TRIO: variants seen among roughly 807,000 people sequenced by gnomAD.
The protein encoded by TRIO is trio Rho guanine nucleotide exchange factor, also known as triple functional domain protein.
Under a neutral mutation model 351.9 loss-of-function variants are expected in TRIO, and 58 were observed. The observed-to-expected ratio is 0.16, with a 90% CI of 0.13 to 0.21. The LOEUF (loss-of-function observed/expected upper bound fraction) is 0.21, where lower values mean the gene tolerates loss of function less well. TRIO is among the 10% of genes least tolerant of loss of function. The pLI is 1.00. For missense variants in TRIO, 3,201 were observed against 4,027.8 expected, an observed-to-expected ratio of 0.79 and a Z score of 5.56; for synonymous variants, 1,758 against 1,595.7, an observed-to-expected ratio of 1.10 and a Z score of -2.42.
chr5:14,408,874 A>T (rs990157945), intron 33 of TRIO, among the ~76,000 whole-genome samples: 18 of 149,504 alleles, frequency 1.2e-4, no homozygotes, highest in African/African-American at 3.4e-4. Context: ...TCTTTTTTTA[A>T]AAAAAAAAAA....
chr5:14,420,753 A>G (rs1014313444), intron 34 of TRIO: 3 of 152,508 alleles, frequency 2.0e-5, no homozygotes, highest in Admixed American at 6.5e-5. Flanking sequence ...TTGCATCAAT[A>G]TAAGTCCTTG....
At chr5:14,340,213 G>A (rs576748435) in intron 11 of TRIO, among the ~76,000 whole-genome samples, 2 of 152,090 alleles carry the variant, frequency 1.3e-5, no homozygotes, top group African/African-American at 2.4e-5. Flanking sequence ...GCTAACACAC[G>A]GTGAAACCCC....
In TRIO at chr5:14,471,301, A is replaced by G; in HGVS notation, c.5764-17A>G. 1 of 1,612,764 alleles carries G rather than the reference A, an allele frequency of 6.2e-7. No individual in the cohort carries two copies. Among genetic ancestry groups the G allele is most frequent in the Non-Finnish European group, 8.5e-7 (1 of 1,179,214 alleles). ...CTGTGGGCAGTAAGTGTTGTTGATTATGTCAATTTCTTCCAGGCACTGGAG... is the reference window on the plus strand; with the variant it reads ...CTGTGGGCAGTAAGTGTTGTTGATTGTGTCAATTTCTTCCAGGCACTGGAG... On this transcript the variant is annotated splice_polypyrimidine_tract_variant and intron_variant, in intron 37 of 56. Transcript: ENST00000344204.
intron 8 of TRIO, among the ~76,000 whole-genome samples, chr5:14,315,360 C>T (rs1353065709): frequency 6.6e-6 from 1 of 151,422 alleles, no homozygotes; most frequent in African/African-American, 2.4e-5. Context: ...TCAAGCCATT[C>T]TCCTGCCTCA....
chr5:14,425,160 T>C lies in TRIO; in HGVS notation c.5203+5139T>C, dbSNP rs192148708. Among the ~76,000 whole-genome samples, 4 of 152,346 alleles carry C rather than the reference T, an allele frequency of 2.6e-5. No homozygotes were observed. In the East Asian group the frequency reaches 7.7e-4, roughly 29 times the overall value. ...ATTGTTATGCAGCCGTCATTACCAT[T>C]CACATCTAGAATTCTTTTTTCCGTC... On this transcript the variant is annotated intron_variant, in intron 34 of 56. Coordinates refer to ENST00000344204, the MANE Select transcript of TRIO (RefSeq NM_007118.4).
intron 33 of TRIO, among the ~76,000 whole-genome samples, chr5:14,414,871 G>C (rs1007471232): frequency 6.6e-6 from 1 of 152,214 alleles, no homozygotes; most frequent in Non-Finnish European, 1.5e-5. Flanking sequence ...CCGAGTCTCC[G>C]TGAAGTTGCC....
intron 48 of TRIO, among the ~76,000 whole-genome samples, chr5:14,491,051 CAA>C (rs1176083173): frequency 6.6e-6 from 1 of 151,848 alleles, no homozygotes; most frequent in East Asian, 1.9e-4. Flanking sequence ...ACGGCAGAGA[CAA>C]AGAACAGGAG....
chr5:14,458,057 T>C (rs1293416982), intron 34 of TRIO, among the ~76,000 whole-genome samples: 2 of 151,186 alleles, frequency 1.3e-5, no homozygotes, highest in South Asian at 2.1e-4. Context: ...TTTTTTTTTT[T>C]CCTCCATCAG....
chr5:14,192,369 C>T (rs1167703708), intron 1 of TRIO, among the ~76,000 whole-genome samples: 1 of 151,940 alleles, frequency 6.6e-6, no homozygotes, highest in Non-Finnish European at 1.5e-5. Flanking sequence ...AAGTGATCCT[C>T]CCACCTCAGC....
At chr5:14,404,123 T>C (rs1748502208) in intron 31 of TRIO, among the ~76,000 whole-genome samples, 1 of 151,658 alleles carries the variant, frequency 6.6e-6, no homozygotes, top group African/African-American at 2.4e-5. Context: ...AGTAGAGGTA[T>C]CGTGCTGCTG....
chr5:14,271,103 G>C (rs1322576563), intron 2 of TRIO, among the ~76,000 whole-genome samples: 1 of 152,248 alleles, frequency 6.6e-6, no homozygotes, highest in African/African-American at 2.4e-5. Context: ...TGATAAGTTA[G>C]TTAGTGTTGG....
At chr5:14,166,716 G>A (rs926354026) in intron 1 of TRIO, among the ~76,000 whole-genome samples, 11 of 152,188 alleles carry the variant, frequency 7.2e-5, no homozygotes, top group African/African-American at 2.7e-4. Context: ...CTGGTGGGAC[G>A]TGGTAACTAT....
chr5:14,264,700 A>G (rs1050985832), intron 1 of TRIO, among the ~76,000 whole-genome samples: 4 of 152,204 alleles, frequency 2.6e-5, no homozygotes, highest in African/African-American at 9.6e-5. Context: ...GCACAGCTAA[A>G]ACCCTTGATA....
chr5:14,356,707 C>G (rs1743639699), intron 11 of TRIO, among the ~76,000 whole-genome samples: 1 of 152,166 alleles, frequency 6.6e-6, no homozygotes, highest in Admixed American at 6.5e-5. Context: ...TGGCTCCAAA[C>G]TGGAAATAAC....
chr5:14,396,976 T>A, intron 28 of TRIO, 67 bp from the exon 29 acceptor site: 1 of 1,383,596 alleles, frequency 7.2e-7, no homozygotes, highest in Non-Finnish European at 1.0e-6. Flanking sequence ...ATAAACTGTT[T>A]CTGCCAAGGT....
At chr5:14,165,887 G>A (rs182645196) in intron 1 of TRIO, among the ~76,000 whole-genome samples, 1 of 152,348 alleles carries the variant, frequency 6.6e-6, no homozygotes, top group African/African-American at 2.4e-5. Flanking sequence ...GTAGGTGGCC[G>A]CTAGGCCCAG....
chr5:14,457,962 T>C (rs1222382037), intron 34 of TRIO, among the ~76,000 whole-genome samples: 1 of 152,090 alleles, frequency 6.6e-6, no homozygotes, highest in African/African-American at 2.4e-5. Flanking sequence ...GTCCTACTAG[T>C]TGTGATGTGT....
rs773375329 is a variant in TRIO at position 14,465,605 on chromosome 5, G to A, written c.5728G>A (p.Val1910Ile). 1.8e-5 allele frequency: 29 copies of A among 1,613,922 alleles called. No individual in the cohort carries two copies. The highest frequency in any genetic ancestry group is 1.6e-4 in the Middle Eastern group (1 of 6,084). ...SSETPSAAEL[V>I]SAIEELVKSK... ...CGAAACACCGAGTGCAGCCGAGCTC[G>A]TCAGTGCAATTGAGGAACTCGTGAA... is the stretch of plus-strand genomic sequence containing the variant. The change falls in exon 37 of 57, where the codon GTC becomes ATC. Residue 1910 changes from valine to isoleucine, a missense_variant. Physicochemically the swap from Val to Ile is conservative, Grantham distance 29. This residue lies in a region of TRIO where 307 missense variants were observed against 396.5 expected (regional missense o/e 0.77). Coordinates refer to ENST00000344204, the MANE Select transcript of TRIO (RefSeq NM_007118.4).
Position 14,497,114 on chromosome 5 carries a change from A to T in TRIO, c.8019+97A>T. The stretch of plus-strand genomic sequence containing the variant: ...TGCAGACCTGAAGCTGGGCTTGCTT[A>T]TGACCTCCCTCCCACCCACCAGCCC... On this transcript the variant is annotated intron_variant, in intron 50 of 56. Coordinates refer to ENST00000344204, the MANE Select transcript of TRIO (RefSeq NM_007118.4). This position sits in a 1 kb window ranked among gnomAD's most constrained non-coding sequence, Gnocchi z 4.4. 1 of 1,515,256 alleles carries T rather than the reference A, an allele frequency of 6.6e-7. No homozygotes were observed. The highest frequency in any genetic ancestry group is 1.3e-5 in the South Asian group (1 of 76,718). 93.9% of individuals were successfully genotyped at this position (1,515,256 alleles called of 1,614,324 possible). A position where few individuals can be genotyped will look rare whatever the true frequency, so the allele number is the denominator to read the frequency against.
Sources: allele counts gnomAD v4.1 joint callset (sites outside exome capture counted in the v4.1 genomes callset), GRCh38; gene constraint gnomAD v4.1.1; regional missense constraint gnomAD v4.1.1; non-coding constraint Gnocchi (gnomAD v3.1); transcripts MANE v1.5; gene names NCBI Gene and HGNC (gene_info 2026-07-23, HGNC 2026-07-21).